The following HIBCH variants were observed in gnomAD, a reference collection of about 807,000 sequenced individuals.
HIBCH encodes the protein 3-hydroxyisobutyryl-CoA hydrolase, mitochondrial.
HIBCH carries 50 observed loss-of-function variants against 58.2 expected under a neutral mutation model. The ratio of observed to expected loss-of-function variants is 0.86; its 90% CI spans 0.68 to 1.09. The LOEUF is 1.09. HIBCH is among the 50% of genes least tolerant of loss of function. The pLI is 0.00. For missense variants in HIBCH, 450 were observed against 449.7 expected, an observed-to-expected ratio of 1.00 and a Z score of -0.01; for synonymous variants, 151 against 146.9, an observed-to-expected ratio of 1.03 and a Z score of -0.20.
chr2:190,238,361 A>G (rs1366611402), intron 11 of HIBCH, among the ~76,000 whole-genome samples: 1 of 152,270 alleles, frequency 6.6e-6, no homozygotes, highest in East Asian at 1.9e-4. Flanking sequence ...AATGATCTCC[A>G]TTCTAACTGG....
chr2:190,287,433 A>G (rs1011479325), intron 6 of HIBCH, among the ~76,000 whole-genome samples, 153 bp downstream of exon 6: 3 of 152,210 alleles, frequency 2.0e-5, no homozygotes, highest in African/African-American at 7.2e-5. Flanking sequence ...AGCAAATATT[A>G]TATCTCAAAT....
chr2:190,304,933 T>G lies in HIBCH; in HGVS notation c.78+5821A>C, dbSNP rs1421967758. ...CAGTATGCTTTAGTAAAAAAAGTGT[T>G]AGAATTGAAGCACAAAAAATCCTGG... On this transcript the variant is annotated intron_variant, in intron 2 of 13. Coordinates refer to ENST00000359678, the MANE Select transcript of HIBCH (RefSeq NM_014362.4). This position sits in a 1 kb window ranked among gnomAD's most constrained non-coding sequence, Gnocchi z 4.1. 6.6e-6 allele frequency among the ~76,000 whole-genome samples: 1 copy of G among 151,450 alleles called. No individual in the cohort carries two copies. The highest frequency in any genetic ancestry group is 1.5e-5 in the Non-Finnish European group (1 of 67,942).
chr2:190,231,545 A>G (rs1686096074), intron 11 of HIBCH, among the ~76,000 whole-genome samples: 1 of 152,190 alleles, frequency 6.6e-6, no homozygotes, highest in South Asian at 2.1e-4. Context: ...CTTCACACTG[A>G]CAAAGAATAT....
At chr2:190,294,211 A>T (rs1688046223) in intron 4 of HIBCH, among the ~76,000 whole-genome samples, 1 of 151,824 alleles carries the variant, frequency 6.6e-6, no homozygotes, top group Non-Finnish European at 1.5e-5. Context: ...TATAAGACCA[A>T]CAGAACTGCT....
At position 190,236,262 on chromosome 2, in the gene HIBCH, A is replaced by C. The variant is rs1169597714; in HGVS notation, c.891+8625T>G. Among the ~76,000 whole-genome samples the C allele has an allele frequency of 6.6e-6, 1 of 152,214 alleles. No individual in the cohort carries two copies. Among genetic ancestry groups the C allele is most frequent in the Non-Finnish European group, 1.5e-5 (1 of 68,040 alleles). ...GGCATTTGTCCTCAGGGTTAAATGA[A>C]ACTAAGCTGAAGGTAAAATTTAATT... On this transcript the variant is annotated intron_variant, in intron 11 of 13. Transcript: ENST00000359678. This position sits in a 1 kb window ranked among gnomAD's most constrained non-coding sequence, Gnocchi z 4.1.
In HIBCH at chr2:190,294,715, C is replaced by T. The variant is rs552697310; in HGVS notation, c.220-85G>A. On this transcript the variant is annotated intron_variant, in intron 3 of 13. Transcript: ENST00000359678. ...ATATGCATATGCACATATATTCAATCATATATTCATATACATATGTGTTTG... is the reference window on the plus strand; with the variant it reads ...ATATGCATATGCACATATATTCAATTATATATTCATATACATATGTGTTTG... The T allele has an allele frequency of 1.8e-4, 152 of 822,800 alleles. 1 individual carries two copies. In the South Asian group the frequency reaches 2.0e-3, roughly 11 times the overall value. The allele number at this position is 822,800 out of a possible 1,614,324, so 51.0% of individuals were successfully genotyped here.
rs746548606 is a variant in HIBCH at position 190,319,744 on chromosome 2, G to T, written c.7C>A (p.Gln3Lys). MG[Q>K]REMWRLMSRF... The stretch of plus-strand genomic sequence containing the variant: ...GACATGAGCCTCCACATCTCGCGCT[G>T]CCCCATCGCCAAACACTCCGAAGCT... Residue 3 changes from glutamine (Q) to lysine (K), a missense_variant, in exon 1 of 14, where the codon CAG becomes AAG. Transcript: ENST00000359678. 1.9e-6 allele frequency: 3 copies of T among 1,612,548 alleles called. No homozygotes were observed. The highest frequency in any genetic ancestry group is 1.7e-6 in the Non-Finnish European group (2 of 1,179,442).
intron 11 of HIBCH, among the ~76,000 whole-genome samples, chr2:190,235,050 G>C (rs993494811): frequency 3.9e-5 from 6 of 152,130 alleles, no homozygotes; most frequent in Non-Finnish European, 7.3e-5. Context: ...GAGTGAAGGG[G>C]GATGAACTAG....
chr2:190,196,653 AAATG>A (rs1689992001), intron 1 of HIBCH, among the ~76,000 whole-genome samples: 1 of 151,870 alleles, frequency 6.6e-6, no homozygotes, highest in African/African-American at 2.4e-5. Flanking sequence ...ATCTTCCTTT[AAATG>A]GTATTGTTTT....
intron 6 of HIBCH, among the ~76,000 whole-genome samples, chr2:190,286,500 C>T (rs1687829600): frequency 6.6e-6 from 1 of 152,136 alleles, no homozygotes; most frequent in Admixed American, 6.5e-5. Flanking sequence ...GAGGAAAAGA[C>T]ATTACTTTTT....
At chr2:190,234,129 C>G (rs1251801670) in intron 11 of HIBCH, among the ~76,000 whole-genome samples, 1 of 152,266 alleles carries the variant, frequency 6.6e-6, no homozygotes, top group East Asian at 1.9e-4. Flanking sequence ...TGCACTCTAG[C>G]CTGGGCAACA....
chr2:190,195,315 C>T (rs958655716), intron 1 of HIBCH, among the ~76,000 whole-genome samples: 7 of 152,148 alleles, frequency 4.6e-5, no homozygotes, highest in Non-Finnish European at 8.8e-5. Flanking sequence ...TGGATTTAAG[C>T]GTTCAACTTA....
At chr2:190,192,425 T>A (rs1689754117) in intron 1 of HIBCH, among the ~76,000 whole-genome samples, 1 of 151,130 alleles carries the variant, frequency 6.6e-6, no homozygotes, top group Non-Finnish European at 1.5e-5. Context: ...GCCATTCTAG[T>A]TTGTGTTTCC....
At chr2:190,262,183 G>GAAAAT (rs1204145137) in intron 6 of HIBCH, among the ~76,000 whole-genome samples, 11 of 140,540 alleles carry the variant, frequency 7.8e-5, no homozygotes, top group African/African-American at 2.4e-4. Flanking sequence ...AAAAAGAAAA[G>GAAAAT]AAAAGAAAAG....
At chr2:190,272,649 G>C (rs937047990) in intron 6 of HIBCH, among the ~76,000 whole-genome samples, 1 of 150,902 alleles carries the variant, frequency 6.6e-6, no homozygotes, top group African/African-American at 2.4e-5. Flanking sequence ...AATGGCCAAG[G>C]GAAAAAAAAA....
intron 9 of HIBCH, among the ~76,000 whole-genome samples, chr2:190,249,192 A>G (rs747259575): frequency 9.9e-5 from 15 of 152,238 alleles, no homozygotes; most frequent in Non-Finnish European, 1.9e-4. Flanking sequence ...ATGTTTAACT[A>G]GAAGTTATGG....
Position 190,242,382 on chromosome 2 carries a change from A to G in HIBCH, c.891+2505T>C, listed in dbSNP as rs552682419. Among the ~76,000 whole-genome samples, 2 of 152,096 alleles carry G rather than the reference A, an allele frequency of 1.3e-5. 1 individual carries two copies. The highest frequency in any genetic ancestry group is 4.2e-4 in the South Asian group (2 of 4,816). ...GGTTAGACCATGCTCCTTCAGCTCA[A>G]AGGAGTTTGTTATTACCCACCTTAT... On this transcript the variant is annotated intron_variant, in intron 11 of 13. Transcript: ENST00000359678.
In HIBCH at chr2:190,248,152, C is replaced by T. The variant is rs554738066; in HGVS notation, c.750+1488G>A. Among the ~76,000 whole-genome samples the T allele has an allele frequency of 5.3e-5, 8 of 152,188 alleles. No homozygotes were observed. The South Asian group carries it at 1.5e-3, about 28-fold the overall frequency. The stretch of plus-strand genomic sequence containing the variant: ...TCCTTCTTCTTGCATTAACTGTTTC[C>T]TTCCAGTGCCTTTGTTGTTTGTTTT... On this transcript the variant is annotated intron_variant, in intron 9 of 13. Transcript: ENST00000359678.
At chr2:190,310,050 AG>A (rs2124859838) in intron 2 of HIBCH, among the ~76,000 whole-genome samples, 1 of 152,294 alleles carries the variant, frequency 6.6e-6, no homozygotes, top group East Asian at 1.9e-4. Context: ...AGAAGTTGGA[AG>A]GACTTGACTT....
Sources: allele counts gnomAD v4.1 joint callset (sites outside exome capture counted in the v4.1 genomes callset), GRCh38; gene constraint gnomAD v4.1.1; non-coding constraint Gnocchi (gnomAD v3.1); transcripts MANE v1.5; gene names NCBI Gene and HGNC (gene_info 2026-07-23, HGNC 2026-07-21).